Variants in CAPN2 observed in about 807,000 individuals in gnomAD.
CAPN2 encodes the protein calpain-2 catalytic subunit.
Under a neutral mutation model 102.3 loss-of-function variants are expected in CAPN2, and 92 were observed. The ratio of observed to expected loss-of-function variants is 0.90; its 90% confidence interval spans 0.76 to 1.07. The LOEUF (loss-of-function observed/expected upper bound fraction) is 1.07. Among genes scored for constraint, CAPN2 ranks in the 50% least tolerant of loss-of-function variants. CAPN2 has a pLI of 0.00. For missense variants in CAPN2, 800 were observed against 909.4 expected (o/e 0.88, Z 1.55); for synonymous variants, 340 against 355.4 (o/e 0.96, Z 0.49).
chr1:223,767,676 A>C (rs1241317336), intron 16 of CAPN2, among the ~76,000 whole-genome samples: 1 of 149,586 alleles, frequency 6.7e-6, no homozygotes, highest in African/African-American at 2.4e-5. Flanking sequence ...TTATAGCAGC[A>C]TGATTTATAG....
At chr1:223,752,456 C>G (rs2102803557) in intron 8 of CAPN2, among the ~76,000 whole-genome samples, 1 of 152,354 alleles carries the variant, frequency 6.6e-6, no homozygotes, top group South Asian at 2.1e-4. Flanking sequence ...GTCTGTGTGT[C>G]TGCGCCACTC....
chr1:223,721,143 T>C lies in CAPN2; in HGVS notation c.307+3312T>C, dbSNP rs375021280. On this transcript the variant is annotated intron_variant, in intron 2 of 20. Coordinates refer to ENST00000295006, the MANE Select transcript of CAPN2 (RefSeq NM_001748.5). ...GTCATTTAAACCATGTTTACAGAGC[T>C]GCTCTCACCAAGAGCCATCTCCATT... 2.0e-5 allele frequency among the ~76,000 whole-genome samples: 3 copies of C among 152,344 alleles called. No homozygotes were observed. The East Asian group carries it at 5.8e-4, about 29-fold the overall frequency.
chr1:223,753,845 C>T lies in CAPN2; in HGVS notation c.1135+889C>T, dbSNP rs1220202743. 2.0e-5 allele frequency among the ~76,000 whole-genome samples: 3 copies of T among 152,186 alleles called. No individual in the cohort carries two copies. In the East Asian group the frequency reaches 5.8e-4, roughly 29 times the overall value. On this transcript the variant is annotated intron_variant, in intron 9 of 20. Transcript: ENST00000295006. ...TATATGAAACAGAAATGAGTTTTGT[C>T]ATTAGACTTGAGTTCCATCCCTAAG...
intron 1 of CAPN2, among the ~76,000 whole-genome samples, chr1:223,715,421 AG>A (rs1452580444): frequency 6.6e-6 from 1 of 152,126 alleles, no homozygotes; most frequent in Non-Finnish European, 1.5e-5. Context: ...ATCACCAGGA[AG>A]AAGGGATTAA....
At position 223,755,520 on chromosome 1, in the gene CAPN2, G is replaced by C. The variant is rs772880870; in HGVS notation, c.1176G>C (p.Glu392Asp). ...WMNPQYLIKL[E>D]EEDEDEEDGE... Reference sequence around the variant, plus strand: ...ACCCTCAGTACCTGATCAAGCTGGAGGAGGAGGATGAGGACGAGGAGGATG... The same window carrying C: ...ACCCTCAGTACCTGATCAAGCTGGACGAGGAGGATGAGGACGAGGAGGATG... Residue 392 changes from glutamate to aspartate, a missense_variant, in exon 10 of 21, where the codon GAG (glutamate) becomes GAC (aspartate). Physicochemically the swap from Glu to Asp is conservative, Grantham distance 45. Transcript: ENST00000295006. This position sits in a 1 kb window ranked among gnomAD's most constrained non-coding sequence, Gnocchi z 4.1. The C allele has an allele frequency of 1.2e-6, 2 of 1,614,162 alleles. No individual in the cohort carries two copies. Among genetic ancestry groups the C allele is most frequent in the South Asian group, 2.2e-5 (2 of 91,086 alleles).
At chr1:223,771,614 G>T (rs562147827) in intron 18 of CAPN2, 195 bp from the exon 19 acceptor site, 30 of 573,312 alleles carry the variant, frequency 5.2e-5, no homozygotes, top group African/African-American at 3.8e-4. Flanking sequence ...GGGTGAAGGT[G>T]GACAGTTCAA....
chr1:223,751,874 C>T (rs566149033), intron 7 of CAPN2, 123 bp from the exon 8 acceptor site: 4 of 678,192 alleles, frequency 5.9e-6, no homozygotes, highest in South Asian at 5.6e-5. Context: ...ATGTGGGCTA[C>T]TTTCCCCCTT....
At chr1:223,708,423 T>TA (rs35955532), upstream of CAPN2, among the ~76,000 whole-genome samples, 22,659 of 135,758 alleles carry the variant, frequency 0.17, 2,253 homozygotes, top group East Asian at 0.39. Flanking sequence ...AAACTCTGTT[T>TA]AAAAAAAAAA....
intron 11 of CAPN2, 144 bp downstream of exon 11, chr1:223,757,524 G>A: frequency 1.2e-6 from 1 of 867,234 alleles, no homozygotes; most frequent in South Asian, 1.4e-5. Context: ...GGGCCCTGCT[G>A]AAGTTGCCCA....
At chr1:223,773,532 A>G (rs571360326) in intron 20 of CAPN2, among the ~76,000 whole-genome samples, 5 of 152,302 alleles carry the variant, frequency 3.3e-5, no homozygotes, top group African/African-American at 1.2e-4. Context: ...CATCTCTACT[A>G]AAAATACAAA....
Position 223,737,716 on chromosome 1 carries a change from G to GC in CAPN2, c.308-6384_308-6383insC, listed in dbSNP as rs372269656. On this transcript the variant is annotated intron_variant, in intron 2 of 20. Coordinates refer to ENST00000295006, the MANE Select transcript of CAPN2 (RefSeq NM_001748.5). The stretch of plus-strand genomic sequence containing the variant: ...ACCAAAAGAGACGGGGCGGGGGGTG[G>GC]GGGGGAGAGAATACAATAACACCAT... Among the ~76,000 whole-genome samples, 12 of 28,184 alleles carry GC rather than the reference G, an allele frequency of 4.3e-4. 1 individual carries two copies. The highest frequency in any genetic ancestry group is 1.2e-3 in the Admixed American group (3 of 2,548). The allele number at this position is 28,184 out of a possible 152,430, so 18.5% of individuals were successfully genotyped here. A position where few individuals can be genotyped will look rare whatever the true frequency, so the allele number is the denominator to read the frequency against.
chr1:223,725,253 T>C lies in CAPN2; in HGVS notation c.307+7422T>C, dbSNP rs1204392897. Among the ~76,000 whole-genome samples the C allele has an allele frequency of 6.6e-6, 1 of 152,030 alleles. No individual in the cohort carries two copies. The highest frequency in any genetic ancestry group is 6.6e-5 in the Admixed American group (1 of 15,264). On this transcript the variant is annotated intron_variant, in intron 2 of 20. Coordinates refer to ENST00000295006, the MANE Select transcript of CAPN2 (RefSeq NM_001748.5). This position sits in a 1 kb window ranked among gnomAD's most constrained non-coding sequence, Gnocchi z 4.1. ...AAACAATTAGCCGGGCGTGGTGGCA[T>C]GCACTTGTAGTCCCAGCTACTCAGG...
chr1:223,770,369 C>G, intron 17 of CAPN2, 78 bp from the exon 18 acceptor site: 1 of 901,020 alleles, frequency 1.1e-6, no homozygotes, highest in Non-Finnish European at 1.8e-6. Context: ...ACTTCATCCC[C>G]ACTCAGCACA....
rs773214064 is a variant in CAPN2 at position 223,752,109 on chromosome 1, C to T, written c.974+38C>T. 2.9e-6 allele frequency: 4 copies of T among 1,393,148 alleles called. No homozygotes were observed. In the South Asian group the frequency reaches 3.6e-5, roughly 12 times the overall value. The allele number at this position is 1,393,148 out of a possible 1,614,324, so 86.3% of individuals were successfully genotyped here. A position where few individuals can be genotyped will look rare whatever the true frequency, so the allele number is the denominator to read the frequency against. The stretch of plus-strand genomic sequence containing the variant: ...GAGGCTTCAGGGAAAGCTCTGTCTG[C>T]CCCAATGTTCTTTACTAGAAAACTG... On this transcript the variant is annotated intron_variant, in intron 8 of 20. Transcript: ENST00000295006.
chr1:223,759,321 C>A lies in CAPN2; in HGVS notation c.1369C>A (p.Arg457Ser). The A allele has an allele frequency of 6.2e-7, 1 of 1,614,222 alleles. No homozygotes were observed. Among genetic ancestry groups the A allele is most frequent in the South Asian group, 1.1e-5 (1 of 91,074 alleles). The change falls in exon 12 of 21, where the codon CGC becomes AGC. Residue 457 changes from arginine to serine, a missense_variant. By Grantham distance (110) the Arg-to-Ser change is moderately radical (BLOSUM62 -1). Transcript: ENST00000295006. This position sits in a 1 kb window ranked among gnomAD's most constrained non-coding sequence, Gnocchi z 4.6. ...CAGCAAAAACTTCTTCCTGACGAATCGCGCCAGGGAGCGCTCAGACACCTT... is the reference window on the plus strand; with the variant it reads ...CAGCAAAAACTTCTTCCTGACGAATAGCGCCAGGGAGCGCTCAGACACCTT... ...HLSKNFFLTNRARERSDTFIN... is the reference protein window; with the variant it reads ...HLSKNFFLTNSARERSDTFIN...
At position 223,759,420 on chromosome 1, in the gene CAPN2, G is replaced by C. The variant is rs748221029; in HGVS notation, c.1468G>C (p.Glu490Gln). Residue 490 changes from glutamate (E) to glutamine (Q), a missense_variant, in exon 12 of 21, where the codon GAA (glutamate) becomes CAA (glutamine). Transcript: ENST00000295006. This position sits in a 1 kb window ranked among gnomAD's most constrained non-coding sequence, Gnocchi z 4.6. ...GEYILVPSTFEPNKDGDFCIR... is the reference protein window; with the variant it reads ...GEYILVPSTFQPNKDGDFCIR... The stretch of plus-strand genomic sequence containing the variant: ...GTACATTCTCGTGCCTTCCACCTTC[G>C]AACCCAACAAGGATGGGGATTTCTG... 6.2e-7 allele frequency: 1 copy of C among 1,614,080 alleles called. No individual in the cohort carries two copies.
chr1:223,720,336 A>C (rs1413554795), intron 2 of CAPN2, among the ~76,000 whole-genome samples: 1 of 20,460 alleles, frequency 4.9e-5, no homozygotes, highest in African/African-American at 2.4e-4. Context: ...TTTTTTTTTG[A>C]CAGGGTCTCA....
At chr1:223,768,037 G>GT (rs1661380873) in intron 16 of CAPN2, among the ~76,000 whole-genome samples, 1 of 149,502 alleles carries the variant, frequency 6.7e-6, no homozygotes, top group Non-Finnish European at 1.5e-5. Flanking sequence ...TGATGGGGTT[G>GT]TTTGTTTTTT....
chr1:223,767,082 ATG>A (rs1661355204), intron 16 of CAPN2, among the ~76,000 whole-genome samples: 1 of 152,202 alleles, frequency 6.6e-6, no homozygotes, highest in African/African-American at 2.4e-5. Context: ...TTCCTCAGTG[ATG>A]TGTTTCCATT....
Sources: allele counts gnomAD v4.1 joint callset (sites outside exome capture counted in the v4.1 genomes callset), GRCh38; gene constraint gnomAD v4.1.1; non-coding constraint Gnocchi (gnomAD v3.1); transcripts MANE v1.5; gene names NCBI Gene and HGNC (gene_info 2026-07-23, HGNC 2026-07-21).